The following CYTH3 variants were observed in gnomAD, a reference collection of about 807,000 sequenced individuals.
CYTH3 encodes cytohesin-3.
CYTH3 carries 23 observed loss-of-function variants against 55.1 expected under a neutral mutation model. The observed-to-expected ratio is 0.42, with a 90% CI of 0.30 to 0.59. CYTH3 has a LOEUF of 0.59. CYTH3 is among the 20% of genes least tolerant of loss of function. The pLI is 0.20. For missense variants in CYTH3, 413 were observed against 524.8 expected, an observed-to-expected ratio of 0.79 and a Z score of 2.08; for synonymous variants, 249 against 194.9, an observed-to-expected ratio of 1.28 and a Z score of -2.31.
At chr7:6,194,841 G>A (rs1008643167) in intron 1 of CYTH3, among the ~76,000 whole-genome samples, 5 of 152,154 alleles carry the variant, frequency 3.3e-5, no homozygotes, top group Admixed American at 2.6e-4. Context: ...TGGGTGCCGT[G>A]GCGGGCGCCT....
At chr7:6,259,760 TATATATATATATTATATATATATA>T (rs1322098251) in intron 1 of CYTH3, among the ~76,000 whole-genome samples, 710 of 25,806 alleles carry the variant, frequency 0.028, 26 homozygotes, top group Middle Eastern at 0.11. Flanking sequence ...ATATATATTA[TATATATATATATTATATATATATA>T]ATATATATAT....
At position 6,163,208 on chromosome 7, in the gene CYTH3, G is replaced by C. The variant is rs919967946; in HGVS notation, c.*1736C>G. On this transcript the variant is annotated 3_prime_UTR_variant, in exon 13 of 13. Coordinates refer to ENST00000350796, the MANE Select transcript of CYTH3 (RefSeq NM_004227.4). ...CAAGGTCAGCCGCAGGGAGGCGAAGGGCCCGCAGCCGCTCGGCCTCCACTT... is the reference window on the plus strand; with the variant it reads ...CAAGGTCAGCCGCAGGGAGGCGAAGCGCCCGCAGCCGCTCGGCCTCCACTT... 1.3e-5 allele frequency: 2 copies of C among 152,474 alleles called. No homozygotes were observed. The highest frequency in any genetic ancestry group is 2.4e-5 in the African/African-American group (1 of 41,476). 9.4% of individuals were successfully genotyped at this position (152,474 alleles called of 1,614,324 possible). A position where few individuals can be genotyped will look rare whatever the true frequency, so the allele number is the denominator to read the frequency against.
At chr7:6,236,918 G>C (rs189736229) in intron 1 of CYTH3, among the ~76,000 whole-genome samples, 1 of 152,306 alleles carries the variant, frequency 6.6e-6, no homozygotes, top group Admixed American at 6.5e-5. Context: ...GTTTCAAAGA[G>C]ATTTTCAAAA....
At chr7:6,225,683 T>C (rs2128552555) in intron 1 of CYTH3, among the ~76,000 whole-genome samples, 1 of 149,378 alleles carries the variant, frequency 6.7e-6, no homozygotes, top group East Asian at 2.0e-4. Flanking sequence ...TTGAAGAATT[T>C]TTTTTTTTTT....
chr7:6,248,952 G>C (rs1779893142), intron 1 of CYTH3, among the ~76,000 whole-genome samples: 1 of 152,174 alleles, frequency 6.6e-6, no homozygotes, highest in African/African-American at 2.4e-5. Flanking sequence ...AGTTGCCAAT[G>C]ACCATTTTTC....
intron 1 of CYTH3, among the ~76,000 whole-genome samples, chr7:6,244,974 T>G (rs965093820): frequency 1.6e-5 from 2 of 121,386 alleles, no homozygotes; most frequent in East Asian, 5.0e-4. Flanking sequence ...TTTTTTTTTT[T>G]TTTTTTTTTT....
At chr7:6,191,175 C>T (rs950892581) in intron 1 of CYTH3, among the ~76,000 whole-genome samples, 4 of 151,974 alleles carry the variant, frequency 2.6e-5, no homozygotes, top group Non-Finnish European at 4.4e-5. Flanking sequence ...AATTCAGGCA[C>T]GGTGGCTCAC....
chr7:6,163,361 GGTGT>G lies in CYTH3; in HGVS notation c.*1579_*1582del, dbSNP rs1360543104. 1 of 152,572 alleles carries G rather than the reference GGTGT, an allele frequency of 6.6e-6. No homozygotes were observed. Among genetic ancestry groups the G allele is most frequent in the Non-Finnish European group, 1.5e-5 (1 of 68,320 alleles). 9.5% of individuals were successfully genotyped at this position (152,572 alleles called of 1,614,324 possible). A position where few individuals can be genotyped will look rare whatever the true frequency, so the allele number is the denominator to read the frequency against. On this transcript the variant is annotated 3_prime_UTR_variant, in exon 13 of 13. Transcript: ENST00000350796. Reference sequence around the variant, plus strand: ...TGCCCTCCAGAGGGTGCAGATTCAAGGTGTGTGTGCCTATGCAGGTGGGGCAGGA... The same window carrying G: ...TGCCCTCCAGAGGGTGCAGATTCAAGGTGTGCCTATGCAGGTGGGGCAGGA...
chr7:6,211,596 T>C (rs1784320134), intron 1 of CYTH3, among the ~76,000 whole-genome samples: 1 of 152,204 alleles, frequency 6.6e-6, no homozygotes, highest in Non-Finnish European at 1.5e-5. Context: ...AATCCCAAAG[T>C]GCTGGGATTA....
chr7:6,190,558 A>G (rs1276034080), intron 1 of CYTH3, 27 bp from the exon 2 acceptor site: 2 of 1,485,122 alleles, frequency 1.3e-6, no homozygotes, highest in South Asian at 1.3e-5. Context: ...ATAATTAACT[A>G]CTTTGGAGAA....
intron 1 of CYTH3, among the ~76,000 whole-genome samples, chr7:6,204,158 T>A (rs1784130768): frequency 6.6e-6 from 1 of 152,202 alleles, no homozygotes; most frequent in Admixed American, 6.5e-5. Context: ...AGCTTTTTTC[T>A]TCTTAATGGA....
At chr7:6,165,061 A>T in intron 12 of CYTH3, 45 bp from the exon 13 acceptor site, 4 of 1,608,554 alleles carry the variant, frequency 2.5e-6, no homozygotes, top group Non-Finnish European at 3.4e-6. Context: ...TGGGTGACAC[A>T]CAGACCTCCC....
At chr7:6,243,703 C>T (rs982913175) in intron 1 of CYTH3, among the ~76,000 whole-genome samples, 1 of 152,200 alleles carries the variant, frequency 6.6e-6, no homozygotes, top group African/African-American at 2.4e-5. Context: ...AATATTCCTT[C>T]CGGCCCTATA....
At chr7:6,257,228 A>G (rs1425647038) in intron 1 of CYTH3, among the ~76,000 whole-genome samples, 2 of 152,220 alleles carry the variant, frequency 1.3e-5, no homozygotes, top group Admixed American at 1.3e-4. Flanking sequence ...CGCCTGGGAA[A>G]TACAGCCTCA....
At chr7:6,185,524 G>A (rs186071416) in intron 4 of CYTH3, among the ~76,000 whole-genome samples, 375 of 151,654 alleles carry the variant, frequency 2.5e-3, no homozygotes, top group Admixed American at 3.9e-3. Context: ...GTGAAACCCC[G>A]TCTCTACTAA....
At chr7:6,188,841 C>T (rs1349897608) in intron 2 of CYTH3, 1 of 152,142 alleles carries the variant, frequency 6.6e-6, no homozygotes, top group Non-Finnish European at 1.5e-5. Flanking sequence ...TATTCTTCAA[C>T]CAGAGACCAA....
chr7:6,175,690 G>C (rs1419127820), intron 5 of CYTH3, among the ~76,000 whole-genome samples: 1 of 151,454 alleles, frequency 6.6e-6, no homozygotes, highest in Non-Finnish European at 1.5e-5. Context: ...TGGGATTATA[G>C]ACACCTGCCA....
chr7:6,180,018 G>A (rs530855583), intron 4 of CYTH3, among the ~76,000 whole-genome samples: 23 of 152,238 alleles, frequency 1.5e-4, no homozygotes, highest in Middle Eastern at 6.8e-3. Context: ...CCTAGGGCAG[G>A]AAAGACAGTG....
intron 1 of CYTH3, among the ~76,000 whole-genome samples, chr7:6,267,899 G>A (rs1424120220): frequency 2.6e-5 from 4 of 152,100 alleles, no homozygotes. Flanking sequence ...ATTTTTCTAT[G>A]AAACTGCTTT....
Sources: gnomAD v4.1 joint callset for allele counts (sites outside exome capture counted in the v4.1 genomes callset) on GRCh38, gnomAD v4.1.1 for gene constraint, MANE v1.5 for transcripts, NCBI Gene and HGNC (gene_info 2026-07-23, HGNC 2026-07-21) for gene names.